Variants in MBD5 observed in about 807,000 individuals in gnomAD.
MBD5 encodes the protein methyl-CpG binding domain protein 5, also known as methyl-CpG-binding domain protein 5.
Under a neutral mutation model 117.3 loss-of-function variants are expected in MBD5, and 13 were observed. That is an observed-to-expected ratio of 0.11 (90% CI 0.07 to 0.18). The LOEUF is 0.18. MBD5 is among the 10% of genes least tolerant of loss of function. MBD5 has a pLI of 1.00. For synonymous variants in MBD5, 727 were observed against 766.4 expected, an observed-to-expected ratio of 0.95 and a Z score of 0.85; for missense variants, 1,879 against 2,093.8, an observed-to-expected ratio of 0.90 and a Z score of 2.00.
chr2:148,442,655 T>C (rs147033296), intron 4 of MBD5, among the ~76,000 whole-genome samples: 4 of 151,450 alleles, frequency 2.6e-5, no homozygotes, highest in African/African-American at 9.8e-5. Context: ...ATATGCCTTA[T>C]ATGATTGTGA....
At chr2:148,447,312 T>A (rs934083594) in intron 4 of MBD5, among the ~76,000 whole-genome samples, 7 of 151,940 alleles carry the variant, frequency 4.6e-5, no homozygotes, top group African/African-American at 1.7e-4. Context: ...TCTGTACCCT[T>A]TACCTACTCT....
chr2:148,124,311 A>C (rs748534814), intron 1 of MBD5, among the ~76,000 whole-genome samples: 36 of 150,444 alleles, frequency 2.4e-4, no homozygotes, highest in Non-Finnish European at 4.5e-4. Flanking sequence ...ACACACACAC[A>C]CAAAAAACAA....
chr2:148,352,337 G>A (rs1703267892), intron 4 of MBD5, among the ~76,000 whole-genome samples: 1 of 151,882 alleles, frequency 6.6e-6, no homozygotes, highest in Non-Finnish European at 1.5e-5. Context: ...ATATTCACAT[G>A]CAGTTGCAGA....
intron 3 of MBD5, among the ~76,000 whole-genome samples, chr2:148,285,295 A>G (rs1362191460): frequency 1.3e-5 from 2 of 152,208 alleles, no homozygotes; most frequent in Non-Finnish European, 2.9e-5. Flanking sequence ...TGACATTGTA[A>G]CTGTTCTTGT....
intron 1 of MBD5, among the ~76,000 whole-genome samples, chr2:148,104,134 C>T (rs1395360763): frequency 6.6e-6 from 1 of 152,152 alleles, no homozygotes; most frequent in Non-Finnish European, 1.5e-5. Context: ...CCCCTGGGAA[C>T]ATCTGTAGTG....
intron 1 of MBD5, among the ~76,000 whole-genome samples, chr2:148,167,168 C>G (rs1414152038): frequency 6.6e-6 from 1 of 152,022 alleles, no homozygotes; most frequent in Non-Finnish European, 1.5e-5. Flanking sequence ...TAAAACATAT[C>G]TACAGGAAAA....
chr2:148,150,720 C>A (rs370096098), intron 1 of MBD5, among the ~76,000 whole-genome samples: 24 of 152,108 alleles, frequency 1.6e-4, no homozygotes, highest in East Asian at 7.7e-4. Flanking sequence ...ATGGGAGTTC[C>A]CTCATGATTT....
rs77340624 is a variant in MBD5, at chr2:148,424,433, T to G, written c.-556-33770T>G. Among the ~76,000 whole-genome samples the G allele has an allele frequency of 9.1e-3, 1,377 of 151,516 alleles. 23 individuals carry two copies. Among genetic ancestry groups the G allele is most frequent in the African/African-American group, 0.03 (1,255 of 41,332 alleles). On this transcript the variant is annotated intron_variant, in intron 4 of 13. Coordinates refer to ENST00000642680, the MANE Select transcript of MBD5 (RefSeq NM_001378120.1). ...GACTTAGACTCCCACACAATAATAG[T>G]GGGAGACTTTAACACCCCACTGTCA...
At chr2:148,356,126 GTTA>G (rs534244407) in intron 4 of MBD5, among the ~76,000 whole-genome samples, 10 of 152,048 alleles carry the variant, frequency 6.6e-5, no homozygotes, top group South Asian at 4.1e-4. Flanking sequence ...TTGCTTGTCT[GTTA>G]TTATTATTTT....
At chr2:148,290,665 T>C (rs1002025409) in intron 3 of MBD5, among the ~76,000 whole-genome samples, 1 of 152,214 alleles carries the variant, frequency 6.6e-6, no homozygotes, top group Non-Finnish European at 1.5e-5. Flanking sequence ...TTTTTAATGT[T>C]CATCAATATT....
At chr2:148,169,141 T>C (rs1379941643) in intron 1 of MBD5, among the ~76,000 whole-genome samples, 1 of 152,110 alleles carries the variant, frequency 6.6e-6, no homozygotes. Flanking sequence ...TTTAGTTTGC[T>C]ATCCTTCTAA....
chr2:148,502,034 C>T (rs1002984583), intron 11 of MBD5, among the ~76,000 whole-genome samples: 1 of 152,188 alleles, frequency 6.6e-6, no homozygotes, highest in African/African-American at 2.4e-5. Flanking sequence ...CCAAGGCCCA[C>T]CCACTTCACT....
At position 148,339,302 on chromosome 2, in the gene MBD5, C is replaced by A. The variant is rs1321022839; in HGVS notation, c.-679-2912C>A. Among the ~76,000 whole-genome samples the A allele has an allele frequency of 2.0e-5, 3 of 152,010 alleles. No individual in the cohort carries two copies. In the East Asian group the frequency reaches 5.8e-4, roughly 29 times the overall value. ...CACAAAAAGGATATGGTAGGCTGTT[C>A]TTCCCCTTTCCCAGCTTTCTTTCAC... On this transcript the variant is annotated intron_variant, in intron 3 of 13. Transcript: ENST00000642680.
At chr2:148,109,235 T>C (rs1696448931) in intron 1 of MBD5, among the ~76,000 whole-genome samples, 1 of 152,046 alleles carries the variant, frequency 6.6e-6, no homozygotes, top group Non-Finnish European at 1.5e-5. Flanking sequence ...CCGTGAGCCA[T>C]GTTTGCACCG....
At chr2:148,500,290 T>C (rs1188220882) in intron 11 of MBD5, among the ~76,000 whole-genome samples, 3 of 151,908 alleles carry the variant, frequency 2.0e-5, no homozygotes, top group Non-Finnish European at 2.9e-5. Context: ...GTGTGTAATT[T>C]TATATATATA....
At chr2:148,034,245 C>T (rs1694123856) in intron 1 of MBD5, among the ~76,000 whole-genome samples, 1 of 152,262 alleles carries the variant, frequency 6.6e-6, no homozygotes, top group East Asian at 1.9e-4. Flanking sequence ...TCTAATAATT[C>T]TAAGAGGTCA....
chr2:148,158,769 G>A (rs913871123), intron 1 of MBD5, among the ~76,000 whole-genome samples: 6 of 152,186 alleles, frequency 3.9e-5, no homozygotes, highest in Non-Finnish European at 8.8e-5. Flanking sequence ...TGCCAGGCTG[G>A]AGTGCAGTGG....
chr2:148,226,898 G>A (rs1483914843), intron 2 of MBD5, among the ~76,000 whole-genome samples: 1 of 152,180 alleles, frequency 6.6e-6, no homozygotes, highest in African/African-American at 2.4e-5. Context: ...TGTTTTGGCT[G>A]CATAAATGTC....
At chr2:148,235,387 A>G (rs1700070053) in intron 3 of MBD5, among the ~76,000 whole-genome samples, 1 of 152,140 alleles carries the variant, frequency 6.6e-6, no homozygotes, top group African/African-American at 2.4e-5. Context: ...GACTGTATCA[A>G]TGGTATATAG....
Sources: allele counts gnomAD v4.1 joint callset (sites outside exome capture counted in the v4.1 genomes callset), GRCh38; gene constraint gnomAD v4.1.1; transcripts MANE v1.5; gene names NCBI Gene and HGNC (gene_info 2026-07-23, HGNC 2026-07-21).